Variants in LRRC3B observed in about 807,000 individuals in gnomAD.
LRRC3B encodes leucine-rich repeat-containing protein 3B.
LRRC3B carries 2 observed loss-of-function variants against 12.8 expected under a neutral mutation model. The observed-to-expected ratio is 0.16, with a 90% CI of 0.06 to 0.49. The LOEUF (loss-of-function observed/expected upper bound fraction) is 0.49, where lower values mean the gene tolerates loss of function less well. LRRC3B is among the 20% of genes least tolerant of loss of function. The pLI, the probability that LRRC3B is intolerant of heterozygous loss-of-function variation, is 0.96. For synonymous variants in LRRC3B, 132 were observed against 122.0 expected, an observed-to-expected ratio of 1.08 and a Z score of -0.54; for missense variants, 189 against 319.4, an observed-to-expected ratio of 0.59 and a Z score of 3.11.
At chr3:26,627,308 G>A (rs35062851) in intron 1 of LRRC3B, among the ~76,000 whole-genome samples, 1,823 of 152,184 alleles carry the variant, frequency 0.012, 33 homozygotes, top group African/African-American at 0.039. Context: ...CAGGGAGGAG[G>A]GATAGAAGAA....
chr3:26,702,876 T>C (rs1166272610), intron 1 of LRRC3B, among the ~76,000 whole-genome samples: 1 of 152,018 alleles, frequency 6.6e-6, no homozygotes, highest in African/African-American at 2.4e-5. Flanking sequence ...GACAGGGTGG[T>C]CTACAGTGGA....
chr3:26,685,140 A>T (rs371213996), intron 1 of LRRC3B, among the ~76,000 whole-genome samples: 1 of 151,692 alleles, frequency 6.6e-6, no homozygotes, highest in South Asian at 2.1e-4. Flanking sequence ...TCTAGTAGAG[A>T]TGGGGTTTCA....
intron 1 of LRRC3B, among the ~76,000 whole-genome samples, chr3:26,671,047 G>C: frequency 9.0e-6 from 1 of 111,498 alleles, no homozygotes; most frequent in Non-Finnish European, 1.6e-5. Flanking sequence ...ACGGAGTCTC[G>C]CTCTGTCGCC....
At chr3:26,700,397 G>A (rs1035698043) in intron 1 of LRRC3B, among the ~76,000 whole-genome samples, 1 of 152,258 alleles carries the variant, frequency 6.6e-6, no homozygotes, top group Middle Eastern at 3.4e-3. Flanking sequence ...AATGAGACCT[G>A]TTCTGGGGGA....
intron 1 of LRRC3B, among the ~76,000 whole-genome samples, chr3:26,636,561 G>A (rs1168665670): frequency 1.3e-5 from 2 of 152,090 alleles, no homozygotes; most frequent in Non-Finnish European, 2.9e-5. Context: ...GTTGTGTAAT[G>A]AAGAGTATGT....
intron 1 of LRRC3B, among the ~76,000 whole-genome samples, chr3:26,645,083 G>T (rs1236395393): frequency 1.3e-5 from 2 of 152,084 alleles, no homozygotes; most frequent in Admixed American, 6.5e-5. Context: ...ATTAACAATT[G>T]GTCAATCCAG....
chr3:26,675,243 G>C (rs969547937), intron 1 of LRRC3B, among the ~76,000 whole-genome samples: 1 of 152,172 alleles, frequency 6.6e-6, no homozygotes, highest in African/African-American at 2.4e-5. Context: ...TATAAACAAA[G>C]CCAATGATTC....
chr3:26,629,289 G>A (rs191400407), intron 1 of LRRC3B, among the ~76,000 whole-genome samples: 25 of 146,914 alleles, frequency 1.7e-4, no homozygotes, highest in African/African-American at 5.3e-4. Context: ...CCAATTTTAG[G>A]TCATTGATAG....
intron 1 of LRRC3B, among the ~76,000 whole-genome samples, chr3:26,626,627 G>A (rs74766792): frequency 6.6e-6 from 1 of 151,902 alleles, no homozygotes; most frequent in East Asian, 1.9e-4. Flanking sequence ...TTAGGAAAAG[G>A]CTTTTTATTT....
intron 1 of LRRC3B, among the ~76,000 whole-genome samples, chr3:26,640,096 AT>A (rs377062696): frequency 3.3e-5 from 5 of 152,304 alleles, no homozygotes; most frequent in African/African-American, 1.2e-4. Flanking sequence ...GATTATGAAG[AT>A]TTGGTGTGGG....
At chr3:26,685,065 T>C (rs1433140430) in intron 1 of LRRC3B, among the ~76,000 whole-genome samples, 1 of 152,192 alleles carries the variant, frequency 6.6e-6, no homozygotes, top group African/African-American at 2.4e-5. Flanking sequence ...CCAATTCTCC[T>C]GCCTGAGCCT....
At chr3:26,689,090 A>G (rs1312628412) in intron 1 of LRRC3B, among the ~76,000 whole-genome samples, 2 of 152,232 alleles carry the variant, frequency 1.3e-5, no homozygotes, top group Non-Finnish European at 2.9e-5. Context: ...CCTAGACTCC[A>G]GGGAGTTCCA....
intron 1 of LRRC3B, among the ~76,000 whole-genome samples, chr3:26,680,516 T>TATATGCAATA (rs1699949354): frequency 3.3e-5 from 5 of 152,192 alleles, no homozygotes; most frequent in African/African-American, 4.8e-5. Flanking sequence ...ATTGCATCCA[T>TATATGCAATA]TTGTGGGTAG....
chr3:26,689,119 C>T (rs989718296), intron 1 of LRRC3B, among the ~76,000 whole-genome samples: 2 of 152,096 alleles, frequency 1.3e-5, no homozygotes, highest in African/African-American at 4.8e-5. Context: ...GCATGAGGAG[C>T]CCTTATAGAC....
intron 1 of LRRC3B, among the ~76,000 whole-genome samples, chr3:26,630,636 G>C (rs749877795): frequency 6.6e-6 from 1 of 152,100 alleles, no homozygotes; most frequent in Non-Finnish European, 1.5e-5. Flanking sequence ...GGCTACTATT[G>C]AGGTTTATGG....
intron 1 of LRRC3B, among the ~76,000 whole-genome samples, chr3:26,670,287 C>T (rs1699693389): frequency 6.6e-6 from 1 of 152,182 alleles, no homozygotes; most frequent in Non-Finnish European, 1.5e-5. Context: ...AGAATACAGA[C>T]AGACACATTA....
At chr3:26,670,201 T>C (rs926547705) in intron 1 of LRRC3B, among the ~76,000 whole-genome samples, 23 of 152,202 alleles carry the variant, frequency 1.5e-4, no homozygotes, top group African/African-American at 5.5e-4. Context: ...CATTTCTTGG[T>C]AGATGCTCAG....
intron 1 of LRRC3B, among the ~76,000 whole-genome samples, chr3:26,649,476 C>A (rs562956314): frequency 6.6e-6 from 1 of 152,200 alleles, no homozygotes; most frequent in East Asian, 1.9e-4. Context: ...GACTCTTTTT[C>A]CCCAGATCCC....
exon 1 of LRRC3B, chr3:26,622,808 T>C (rs1698542982): frequency 2.6e-5 from 4 of 152,310 alleles, no homozygotes; most frequent in Admixed American, 2.6e-4. Context: ...TTCCCTCTAT[T>C]GACTGAGCCG....
Sources: allele counts gnomAD v4.1 joint callset (sites outside exome capture counted in the v4.1 genomes callset), GRCh38; gene constraint gnomAD v4.1.1; transcripts MANE v1.5; gene names NCBI Gene and HGNC (gene_info 2026-07-23, HGNC 2026-07-21).